The following UBAC2 variants were observed in gnomAD, a reference collection of about 807,000 sequenced individuals.
UBAC2 encodes ubiquitin-associated domain-containing protein 2.
In UBAC2, 26 loss-of-function variants were observed where a neutral mutation model predicts 44.0. That is an observed-to-expected ratio of 0.59 (90% CI 0.43 to 0.82). UBAC2 has a LOEUF of 0.82. Ranked by LOEUF, UBAC2 falls within the 40% of genes least tolerant of loss-of-function variation. The probability of loss-of-function intolerance (pLI) is 0.00; values close to 1 mark genes in which losing one functional copy is unlikely to be tolerated. For synonymous variants in UBAC2, 155 were observed against 154.3 expected (o/e 1.00, Z -0.04); for missense variants, 329 against 419.4 (o/e 0.78, Z 1.88).
intron 4 of UBAC2, among the ~76,000 whole-genome samples, chr13:99,305,563 T>C (rs756002307): frequency 1.4e-4 from 21 of 152,148 alleles, no homozygotes; most frequent in Non-Finnish European, 2.9e-4. Flanking sequence ...ACAATAGATA[T>C]CTAGTAAATA....
At chr13:99,213,354 C>T (rs937025437) in intron 1 of UBAC2, among the ~76,000 whole-genome samples, 1 of 151,812 alleles carries the variant, frequency 6.6e-6, no homozygotes, top group African/African-American at 2.4e-5. Flanking sequence ...CACGCCCTAT[C>T]CATAACTTTT....
At chr13:99,201,172 CT>C in intron 1 of UBAC2, 14 of 1,368,742 alleles carry the variant, frequency 1.0e-5, no homozygotes, top group Non-Finnish European at 1.3e-5. Flanking sequence ...CCGACCCCAC[CT>C]GGTATCCCCA....
At chr13:99,211,453 G>A (rs955048163) in intron 1 of UBAC2, among the ~76,000 whole-genome samples, 2 of 152,202 alleles carry the variant, frequency 1.3e-5, no homozygotes, top group African/African-American at 4.8e-5. Context: ...GGTGCTACAT[G>A]TCTATATGGT....
chr13:99,325,098 C>T (rs990692700), intron 6 of UBAC2, among the ~76,000 whole-genome samples: 4 of 86,126 alleles, frequency 4.6e-5, no homozygotes, highest in Non-Finnish European at 8.6e-5. Context: ...TGTCTATGCT[C>T]TTTTTTTTTT....
At chr13:99,381,029 A>G (rs1226546674) in intron 8 of UBAC2, among the ~76,000 whole-genome samples, 21 of 152,266 alleles carry the variant, frequency 1.4e-4, no homozygotes, top group African/African-American at 4.1e-4. Context: ...TGTCAAAACC[A>G]GCACCGCGGC....
chr13:99,354,087 A>G (rs1306130054), intron 7 of UBAC2, among the ~76,000 whole-genome samples: 1 of 152,254 alleles, frequency 6.6e-6, no homozygotes, highest in East Asian at 1.9e-4. Context: ...TCGTGGGTTT[A>G]GGATGGGGGA....
intron 4 of UBAC2, among the ~76,000 whole-genome samples, chr13:99,271,772 G>A (rs1312087560): frequency 1.3e-5 from 2 of 151,954 alleles, no homozygotes. Flanking sequence ...TTTGCTCTTC[G>A]AGTCCCCATG....
At chr13:99,244,325 G>A (rs1312043234) in intron 3 of UBAC2, among the ~76,000 whole-genome samples, 190 bp from the exon 4 acceptor site, 6 of 150,282 alleles carry the variant, frequency 4.0e-5, no homozygotes, top group African/African-American at 1.5e-4. Context: ...GGTTTACCCC[G>A]CCCATTTTCT....
chr13:99,342,371 TTG>T (rs972239380), intron 7 of UBAC2, among the ~76,000 whole-genome samples: 6 of 152,260 alleles, frequency 3.9e-5, no homozygotes, highest in African/African-American at 1.4e-4. Flanking sequence ...GCGTGTGAAT[TTG>T]GGGCAGGGGC....
At chr13:99,318,357 G>T (rs2044521365) in intron 6 of UBAC2, among the ~76,000 whole-genome samples, 1 of 151,474 alleles carries the variant, frequency 6.6e-6, no homozygotes, top group Admixed American at 6.6e-5. Flanking sequence ...AGTAGAGATG[G>T]GGTTTCTCCA....
intron 4 of UBAC2, among the ~76,000 whole-genome samples, chr13:99,261,946 G>A (rs1411080077): frequency 1.3e-5 from 2 of 152,132 alleles, no homozygotes; most frequent in African/African-American, 2.4e-5. Context: ...GTCAAATATG[G>A]TCTGAAAATA....
rs112740998 is a variant in UBAC2, at chr13:99,245,080, C to T, written c.389+456C>T. On this transcript the variant is annotated intron_variant, in intron 4 of 8. Coordinates refer to ENST00000403766, the MANE Select transcript of UBAC2 (RefSeq NM_001144072.2). Reference sequence around the variant, plus strand: ...AACTCCTGACCTCAGGTGATCCACCCGCCTCGGCCTCCCAAAGTGCTTGAG... The same window carrying T: ...AACTCCTGACCTCAGGTGATCCACCTGCCTCGGCCTCCCAAAGTGCTTGAG... Among the ~76,000 whole-genome samples the T allele has an allele frequency of 7.2e-3, 1,101 of 152,232 alleles. 15 individuals carry two copies. Among genetic ancestry groups the T allele is most frequent in the African/African-American group, 0.025 (1,041 of 41,526 alleles).
At chr13:99,270,285 A>T (rs185391737) in intron 4 of UBAC2, among the ~76,000 whole-genome samples, 230 of 152,370 alleles carry the variant, frequency 1.5e-3, no homozygotes, top group African/African-American at 5.3e-3. Context: ...AGATATTTTT[A>T]TCAAGGGCAT....
At chr13:99,241,472 C>G (rs2043299334) in intron 2 of UBAC2, among the ~76,000 whole-genome samples, 1 of 152,044 alleles carries the variant, frequency 6.6e-6, no homozygotes, top group Non-Finnish European at 1.5e-5. Context: ...AAATATTATG[C>G]AAAGTGAAAT....
At chr13:99,201,953 T>C (rs1452332169) in intron 1 of UBAC2, among the ~76,000 whole-genome samples, 2 of 151,610 alleles carry the variant, frequency 1.3e-5, no homozygotes, top group African/African-American at 4.9e-5. Flanking sequence ...GGTGCCTGTA[T>C]TCCCAGCTAC....
intron 6 of UBAC2, among the ~76,000 whole-genome samples, chr13:99,328,734 T>C (rs1938658309): frequency 6.6e-6 from 1 of 152,250 alleles, no homozygotes; most frequent in South Asian, 2.1e-4. Flanking sequence ...ATATTCTAGA[T>C]ATAAGCTCTT....
chr13:99,296,522 G>C (rs2044176426), intron 4 of UBAC2, among the ~76,000 whole-genome samples: 1 of 152,046 alleles, frequency 6.6e-6, no homozygotes, highest in Non-Finnish European at 1.5e-5. Context: ...TTGAATCATT[G>C]TCTGGTTAAG....
chr13:99,306,574 A>T (rs1265155275), intron 4 of UBAC2, among the ~76,000 whole-genome samples: 1 of 152,152 alleles, frequency 6.6e-6, no homozygotes, highest in Non-Finnish European at 1.5e-5. Flanking sequence ...CTTTAAAGGA[A>T]GTCTCTTCAC....
chr13:99,242,260 C>G (rs1472051572), intron 2 of UBAC2, among the ~76,000 whole-genome samples: 1 of 152,182 alleles, frequency 6.6e-6, no homozygotes, highest in Non-Finnish European at 1.5e-5. Context: ...GGGCACACCT[C>G]CCAGACGGGG....
Sources: gnomAD v4.1 joint callset for allele counts (sites outside exome capture counted in the v4.1 genomes callset) on GRCh38, gnomAD v4.1.1 for gene constraint, MANE v1.5 for transcripts, NCBI Gene and HGNC (gene_info 2026-07-23, HGNC 2026-07-21) for gene names.